Variants in PCID2 observed in about 807,000 individuals in gnomAD.
PCID2 encodes PCI domain containing 2.
Under a neutral mutation model 61.3 loss-of-function variants are expected in PCID2, and 41 were observed. The observed-to-expected ratio is 0.67, with a 90% CI of 0.52 to 0.87. The LOEUF is 0.87. PCID2 is among the 40% of genes least tolerant of loss of function. The pLI, the probability that PCID2 is intolerant of heterozygous loss-of-function variation, is 0.00. For synonymous variants in PCID2, 187 were observed against 177.8 expected, an observed-to-expected ratio of 1.05 and a Z score of -0.41; for missense variants, 392 against 493.4, an observed-to-expected ratio of 0.79 and a Z score of 1.95.
chr13:113,179,902 C>A lies in PCID2; in HGVS notation c.986+15G>T, dbSNP rs143246835. The stretch of plus-strand genomic sequence containing the variant: ...GAGCCACACTGGGAGCCCAATGTGC[C>A]GGGGAAATGCTTACACTTTCTTAAA... On this transcript the variant is annotated intron_variant, in intron 12 of 13. Transcript: ENST00000337344. This position sits in a 1 kb window ranked among gnomAD's most constrained non-coding sequence, Gnocchi z 4.3. 1 of 1,607,144 alleles carries A rather than the reference C, an allele frequency of 6.2e-7. No individual in the cohort carries two copies. Among genetic ancestry groups the A allele is most frequent in the Admixed American group, 1.7e-5 (1 of 59,166 alleles).
chr13:113,165,283 T>C, the PCID2 span: 1 of 721,280 alleles, frequency 1.4e-6, no homozygotes, highest in Non-Finnish European at 2.5e-6. Context: ...AACCATGTTC[T>C]AATGCCGAGT....
At chr13:113,190,643 G>A (rs550670040) in intron 7 of PCID2, 53 of 370,242 alleles carry the variant, frequency 1.4e-4, no homozygotes, top group South Asian at 5.0e-4. Flanking sequence ...GCAGAGAGGA[G>A]CTCCAGGCAT....
downstream of PCID2, among the ~76,000 whole-genome samples, chr13:113,176,793 G>A (rs2037198595): frequency 6.6e-6 from 1 of 152,190 alleles, no homozygotes; most frequent in African/African-American, 2.4e-5. Context: ...ATCTCTATCT[G>A]TACCATCTCT....
rs1159441291 is a variant in PCID2, at chr13:113,180,055, GA to G, written c.861-14del. ...CAGGTTGCCCTCGCTGGTGAGGGGG[GA>G]GGCGCGTCAGAAGGAGGGTGAGTTT... On this transcript the variant is annotated splice_polypyrimidine_tract_variant and intron_variant, in intron 11 of 13. Transcript: ENST00000337344. 6.2e-7 allele frequency: 1 copy of G among 1,613,688 alleles called. No individual in the cohort carries two copies. Among genetic ancestry groups the G allele is most frequent in the Non-Finnish European group, 8.5e-7 (1 of 1,179,836 alleles).
At chr13:113,168,426 G>A in the PCID2 span, among the ~76,000 whole-genome samples, 2 of 152,206 alleles carry the variant, frequency 1.3e-5, no homozygotes, top group African/African-American at 2.4e-5. Flanking sequence ...TGCGTCTGGC[G>A]CAGAGCCCCA....
intron 7 of PCID2, chr13:113,187,986 A>T (rs10400654): frequency 6.6e-6 from 1 of 152,270 alleles, no homozygotes; most frequent in Non-Finnish European, 1.5e-5. Context: ...GGAAACACGG[A>T]TTGAGCTCCT....
At chr13:113,186,338 A>G (rs1183185242) in intron 7 of PCID2, 1 of 152,292 alleles carries the variant, frequency 6.6e-6, no homozygotes, top group Non-Finnish European at 1.5e-5. Flanking sequence ...TTTTACCTCA[A>G]AAGACTGAAA....
the PCID2 span, chr13:113,166,051 C>G: frequency 1.3e-5 from 2 of 152,282 alleles, no homozygotes; most frequent in Non-Finnish European, 2.9e-5. Flanking sequence ...ACCACCCACA[C>G]TGGCTTTGAT....
chr13:113,182,155 T>TG (rs1336952384), intron 9 of PCID2, among the ~76,000 whole-genome samples: 1 of 152,192 alleles, frequency 6.6e-6, no homozygotes, highest in African/African-American at 2.4e-5. Context: ...TTATGCAGAA[T>TG]GGGTCACCAG....
chr13:113,177,940 C>T lies in PCID2; in HGVS notation c.*258G>A. Reference sequence around the variant, plus strand: ...AGCAGCCTTCACGCAAAGCCTCCTTCAAAGAAGTCTCACAAAGACTCCAGA... The same window carrying T: ...AGCAGCCTTCACGCAAAGCCTCCTTTAAAGAAGTCTCACAAAGACTCCAGA... On this transcript the variant is annotated 3_prime_UTR_variant, in exon 14 of 14. Coordinates refer to ENST00000337344, the MANE Select transcript of PCID2 (RefSeq NM_001127202.4). 3.3e-6 allele frequency: 1 copy of T among 303,880 alleles called. No individual in the cohort carries two copies. The highest frequency in any genetic ancestry group is 5.0e-5 in the South Asian group (1 of 19,850). The allele number at this position is 303,880 out of a possible 1,614,324, so 18.8% of individuals were successfully genotyped here. A position where few individuals can be genotyped will look rare whatever the true frequency, so the allele number is the denominator to read the frequency against.
chr13:113,170,431 G>A, the PCID2 span: 1,186 of 1,603,744 alleles, frequency 7.4e-4, no homozygotes, highest in Non-Finnish European at 9.4e-4. Context: ...AACAAATTCC[G>A]AAGGAAAAGA....
chr13:113,178,619 C>T (rs889332598), intron 13 of PCID2: 7 of 352,690 alleles, frequency 2.0e-5, no homozygotes, highest in African/African-American at 1.5e-4. Context: ...TTTTAAGTAA[C>T]CTAGAGATAA....
At chr13:113,201,914 T>C (rs2039465440) in intron 1 of PCID2, among the ~76,000 whole-genome samples, 1 of 150,092 alleles carries the variant, frequency 6.7e-6, no homozygotes, top group Non-Finnish European at 1.5e-5. Flanking sequence ...TAAAATTAAA[T>C]ATTTACATTT....
chr13:113,167,009 A>AT, the PCID2 span, among the ~76,000 whole-genome samples: 1 of 152,190 alleles, frequency 6.6e-6, no homozygotes, highest in Non-Finnish European at 1.5e-5. Context: ...ATACTATTAG[A>AT]TTTTTTACTT....
chr13:113,171,925 TGA>T, the PCID2 span: 3 of 1,613,396 alleles, frequency 1.9e-6, no homozygotes, highest in Admixed American at 5.0e-5. The surrounding 1 kb of genome is among the most constrained non-coding windows in gnomAD (Gnocchi z 5.1). Flanking sequence ...GGACCTACTG[TGA>T]GAGAAGCAGC....
intron 1 of PCID2, among the ~76,000 whole-genome samples, chr13:113,201,730 C>T (rs973958564): frequency 2.0e-5 from 3 of 148,690 alleles, no homozygotes; most frequent in Admixed American, 6.8e-5. Flanking sequence ...GAGAATGGCG[C>T]GAACCCAGGA....
chr13:113,204,360 A>C (rs1245923874), intron 1 of PCID2, among the ~76,000 whole-genome samples: 1 of 152,232 alleles, frequency 6.6e-6, no homozygotes, highest in African/African-American at 2.4e-5. Context: ...GTGGAATGGA[A>C]GCATACTTCA....
rs1226240081 is a variant in PCID2, at chr13:113,197,198, C to T, written c.246G>A (p.Lys82=). The T allele has an allele frequency of 6.2e-7, 1 of 1,614,122 alleles. No homozygotes were observed. Among genetic ancestry groups the T allele is most frequent in the East Asian group, 2.2e-5 (1 of 44,884 alleles). Residue 82 remains lysine, a synonymous_variant, in exon 4 of 14, where the codon AAG becomes AAA. Coordinates refer to ENST00000337344, the MANE Select transcript of PCID2 (RefSeq NM_001127202.4). ...GATATTGGACTATCACGGTCTGGCA[C>T]TTGTATGCCTCTATGAAGTCATGAT... ...VGNHDFIEAY[K]CQTVIVQSFL...
In PCID2 at chr13:113,178,951, CCAGGACT is replaced by C; in HGVS notation, c.1110+8_1110+14del. 1 of 1,606,280 alleles carries C rather than the reference CCAGGACT, an allele frequency of 6.2e-7. No individual in the cohort carries two copies. The highest frequency in any genetic ancestry group is 8.5e-7 in the Non-Finnish European group (1 of 1,176,736). On this transcript the variant is annotated splice_region_variant and intron_variant, in intron 13 of 13. Coordinates refer to ENST00000337344, the MANE Select transcript of PCID2 (RefSeq NM_001127202.4). Reference sequence around the variant, plus strand: ...CTGTGAGTAGCTGCTTAAATTAAAACCAGGACTCACACACCATGTATATCAAGTTAGC... The same window carrying C: ...CTGTGAGTAGCTGCTTAAATTAAAACCACACACCATGTATATCAAGTTAGC...
Sources: gnomAD v4.1 joint callset for allele counts (sites outside exome capture counted in the v4.1 genomes callset) on GRCh38, gnomAD v4.1.1 for gene constraint, Gnocchi (gnomAD v3.1) non-coding constraint, MANE v1.5 for transcripts, NCBI Gene and HGNC (gene_info 2026-07-23, HGNC 2026-07-21) for gene names.